The following DLGAP2 variants were observed in gnomAD, a reference collection of about 807,000 sequenced individuals.
The protein encoded by DLGAP2 is DLG associated protein 2, also known as disks large-associated protein 2.
Under a neutral mutation model 100.3 loss-of-function variants are expected in DLGAP2, and 26 were observed. That is an observed-to-expected ratio of 0.26 (90% CI 0.19 to 0.36). DLGAP2 has a LOEUF of 0.36. DLGAP2 is among the 10% of genes least tolerant of loss of function. The probability of loss-of-function intolerance (pLI) is 1.00; values close to 1 mark genes in which losing one functional copy is unlikely to be tolerated. For synonymous variants in DLGAP2, 886 were observed against 630.1 expected, an observed-to-expected ratio of 1.41 and a Z score of -6.08; for missense variants, 1,858 against 1,453.2, an observed-to-expected ratio of 1.28 and a Z score of -4.53.
intron 3 of DLGAP2, among the ~76,000 whole-genome samples, chr8:1,362,877 T>C (rs1420022985): frequency 6.6e-6 from 1 of 152,190 alleles, no homozygotes; most frequent in Non-Finnish European, 1.5e-5. Context: ...TAGTTTCTCT[T>C]GTCTTTTCCC....
chr8:1,277,587 G>C (rs1310801869), intron 3 of DLGAP2, among the ~76,000 whole-genome samples: 2 of 152,200 alleles, frequency 1.3e-5, no homozygotes, highest in Admixed American at 6.5e-5. Context: ...GAGTATCCCA[G>C]TATCAGCCAG....
intron 2 of DLGAP2, among the ~76,000 whole-genome samples, chr8:1,139,998 C>T (rs1327239400): frequency 6.6e-6 from 1 of 152,182 alleles, no homozygotes; most frequent in Non-Finnish European, 1.5e-5. Flanking sequence ...GCCCTCTCCA[C>T]TGTGCAGGAA....
intron 2 of DLGAP2, among the ~76,000 whole-genome samples, chr8:1,076,722 C>A (rs1482436859): frequency 1.3e-5 from 2 of 152,216 alleles, no homozygotes; most frequent in African/African-American, 4.8e-5. Flanking sequence ...GTGTCCTGGG[C>A]TGCCATAACA....
chr8:1,415,020 A>G (rs1157578754), intron 3 of DLGAP2, among the ~76,000 whole-genome samples: 2 of 151,716 alleles, frequency 1.3e-5, no homozygotes, highest in Admixed American at 6.5e-5. Flanking sequence ...AAAGAAAAAA[A>G]AAGAAGAAAA....
chr8:1,239,562 G>T (rs1798736630), intron 2 of DLGAP2, among the ~76,000 whole-genome samples: 1 of 121,078 alleles, frequency 8.3e-6, no homozygotes, highest in Non-Finnish European at 1.6e-5. Flanking sequence ...GCCGTGTCTG[G>T]TTCTCTCACA....
intron 2 of DLGAP2, among the ~76,000 whole-genome samples, chr8:1,188,499 AATCTCACAC>A (rs1797564274): frequency 8.3e-6 from 1 of 121,164 alleles, no homozygotes; most frequent in African/African-American, 6.0e-5. Context: ...TCCCTCACGG[AATCTCACAC>A]GCCCGGGACC....
chr8:1,451,897 C>G (rs1434541960), intron 3 of DLGAP2, among the ~76,000 whole-genome samples: 1 of 152,260 alleles, frequency 6.6e-6, no homozygotes, highest in Non-Finnish European at 1.5e-5. Flanking sequence ...CACGGGCTCC[C>G]ACACACACGG....
intron 3 of DLGAP2, among the ~76,000 whole-genome samples, chr8:1,412,267 C>CAG (rs1385935426): frequency 6.6e-6 from 1 of 152,208 alleles, no homozygotes; most frequent in Non-Finnish European, 1.5e-5. Context: ...CTAGACTCTG[C>CAG]AGCCTGCTTG....
At chr8:1,088,189 G>T (rs1424903167) in intron 2 of DLGAP2, among the ~76,000 whole-genome samples, 1 of 152,186 alleles carries the variant, frequency 6.6e-6, no homozygotes, top group Non-Finnish European at 1.5e-5. Context: ...AATGGGCCCT[G>T]CAATTTCTGC....
At chr8:1,421,103 A>G (rs148965549) in intron 3 of DLGAP2, among the ~76,000 whole-genome samples, 1 of 152,342 alleles carries the variant, frequency 6.6e-6, no homozygotes, top group East Asian at 1.9e-4. Context: ...AGTAGAAAAT[A>G]GTAAAATAAC....
At chr8:834,731 T>A (rs186077133) in intron 1 of DLGAP2, among the ~76,000 whole-genome samples, 2 of 152,308 alleles carry the variant, frequency 1.3e-5, no homozygotes, top group Admixed American at 1.3e-4. Flanking sequence ...ACTCAGTACC[T>A]GAGTGACAGG....
intron 3 of DLGAP2, among the ~76,000 whole-genome samples, chr8:1,313,369 T>G (rs1050844891): frequency 1.3e-5 from 2 of 152,180 alleles, no homozygotes; most frequent in Non-Finnish European, 2.9e-5. Flanking sequence ...ACCACTGGAT[T>G]CTGGAGGAAT....
intron 2 of DLGAP2, among the ~76,000 whole-genome samples, chr8:1,177,959 C>T (rs1325432620): frequency 6.6e-6 from 1 of 152,220 alleles, no homozygotes; most frequent in Non-Finnish European, 1.5e-5. Flanking sequence ...CCTCAGTGAT[C>T]GACATCTCCA....
chr8:1,239,631 C>T (rs1252393641), intron 2 of DLGAP2, among the ~76,000 whole-genome samples: 12 of 33,772 alleles, frequency 3.6e-4, no homozygotes, highest in African/African-American at 1.6e-3. Flanking sequence ...CACATGGCGC[C>T]GTGTCTAGTT....
chr8:1,298,570 C>T (rs2116987007), intron 3 of DLGAP2, among the ~76,000 whole-genome samples: 1 of 152,176 alleles, frequency 6.6e-6, no homozygotes, highest in African/African-American at 2.4e-5. Flanking sequence ...TGGGGGACGG[C>T]TCAGTAGGTA....
At chr8:1,390,967 C>T (rs1563122370) in intron 3 of DLGAP2, among the ~76,000 whole-genome samples, 1 of 152,284 alleles carries the variant, frequency 6.6e-6, no homozygotes, top group East Asian at 1.9e-4. Context: ...ATCAGAAAGA[C>T]CCAGGGTCTG....
chr8:987,158 G>T (rs576989921), intron 2 of DLGAP2, among the ~76,000 whole-genome samples: 20 of 152,198 alleles, frequency 1.3e-4, no homozygotes, highest in African/African-American at 4.1e-4. Context: ...TTCCTATTCA[G>T]TGGTGCCACC....
At chr8:1,513,272 G>C (rs541489913) in intron 4 of DLGAP2, among the ~76,000 whole-genome samples, 3 of 144,986 alleles carry the variant, frequency 2.1e-5, no homozygotes, top group African/African-American at 7.6e-5. Flanking sequence ...GCCAGCTCCA[G>C]GGAGGCTCGG....
At chr8:844,953 T>C (rs1157190926) in intron 1 of DLGAP2, among the ~76,000 whole-genome samples, 1 of 152,256 alleles carries the variant, frequency 6.6e-6, no homozygotes, top group Non-Finnish European at 1.5e-5. Context: ...TGTGACTGAC[T>C]TCTTTCACTT....
Sources: gnomAD v4.1 joint callset for allele counts (sites outside exome capture counted in the v4.1 genomes callset) on GRCh38, gnomAD v4.1.1 for gene constraint, MANE v1.5 for transcripts, NCBI Gene and HGNC (gene_info 2026-07-23, HGNC 2026-07-21) for gene names.